CAPZB: variants seen among roughly 807,000 people sequenced by gnomAD.
The protein encoded by CAPZB is capping actin protein of muscle Z-line subunit beta.
A neutral mutation model predicts 38.1 loss-of-function variants in CAPZB; 2 were observed. The observed-to-expected ratio is 0.05, with a 90% CI of 0.02 to 0.17. The LOEUF is 0.17. CAPZB is among the 10% of genes least tolerant of loss of function. The probability of loss-of-function intolerance (pLI) is 1.00; values close to 1 mark genes in which losing one functional copy is unlikely to be tolerated. For missense variants in CAPZB, 161 were observed against 334.2 expected, an observed-to-expected ratio of 0.48 and a Z score of 4.04; for synonymous variants, 107 against 127.4, an observed-to-expected ratio of 0.84 and a Z score of 1.08.
intron 1 of CAPZB, among the ~76,000 whole-genome samples, chr1:19,452,781 A>G (rs2094520640): frequency 6.7e-6 from 1 of 148,244 alleles, no homozygotes; most frequent in Non-Finnish European, 1.5e-5. Context: ...CGGCAGTCAG[A>G]ATAATTTCTT....
At chr1:19,472,908 G>A (rs963538122) in intron 1 of CAPZB, among the ~76,000 whole-genome samples, 4 of 151,686 alleles carry the variant, frequency 2.6e-5, no homozygotes, top group African/African-American at 4.8e-5. Context: ...TAGTAGAGAC[G>A]GGATTTCATC....
chr1:19,452,660 G>A (rs896065434), intron 1 of CAPZB, among the ~76,000 whole-genome samples: 1 of 151,864 alleles, frequency 6.6e-6, no homozygotes, highest in Non-Finnish European at 1.5e-5. Context: ...CCATGTCAAC[G>A]CCCAAGTCCT....
At chr1:19,437,362 G>A (rs2094461446) in intron 1 of CAPZB, among the ~76,000 whole-genome samples, 4 of 152,178 alleles carry the variant, frequency 2.6e-5, no homozygotes. Context: ...CATCCAGTCA[G>A]TACATTCCTC....
chr1:19,478,468 G>A (rs1217128223), intron 1 of CAPZB, among the ~76,000 whole-genome samples: 4 of 152,180 alleles, frequency 2.6e-5, no homozygotes, highest in African/African-American at 4.8e-5. Context: ...TACAAGACAC[G>A]TGACGACACA....
chr1:19,358,424 C>G (rs968054675), intron 4 of CAPZB, among the ~76,000 whole-genome samples: 5 of 152,236 alleles, frequency 3.3e-5, no homozygotes, highest in African/African-American at 1.2e-4. Context: ...AGGCATGAGC[C>G]ACTGCGCCTG....
At chr1:19,440,928 C>T (rs993323242) in intron 1 of CAPZB, among the ~76,000 whole-genome samples, 2 of 151,956 alleles carry the variant, frequency 1.3e-5, no homozygotes, top group Non-Finnish European at 2.9e-5. Flanking sequence ...GGTGTGGTGG[C>T]GGGTGCCTGT....
intron 6 of CAPZB, among the ~76,000 whole-genome samples, chr1:19,346,733 C>T (rs1245582082): frequency 6.6e-6 from 1 of 151,446 alleles, no homozygotes; most frequent in African/African-American, 2.4e-5. Context: ...CCACTTTAAA[C>T]GACCAGGCTT....
At chr1:19,434,864 A>G (rs1415781681) in intron 1 of CAPZB, among the ~76,000 whole-genome samples, 2 of 152,070 alleles carry the variant, frequency 1.3e-5, no homozygotes, top group Non-Finnish European at 2.9e-5. Flanking sequence ...GGCTGCAGTG[A>G]GCCACGATTG....
intron 2 of CAPZB, among the ~76,000 whole-genome samples, chr1:19,386,587 G>A (rs1014346843): frequency 2.0e-4 from 31 of 152,186 alleles, no homozygotes; most frequent in Admixed American, 1.6e-3. Context: ...GAGCAGCTCA[G>A]CAGACGGGCT....
At chr1:19,434,472 C>T (rs908527008) in intron 1 of CAPZB, among the ~76,000 whole-genome samples, 4 of 149,888 alleles carry the variant, frequency 2.7e-5, no homozygotes, top group African/African-American at 9.8e-5. Flanking sequence ...CATCTATAAT[C>T]CTAGCACTTT....
intron 1 of CAPZB, among the ~76,000 whole-genome samples, chr1:19,470,492 C>A (rs898499990): frequency 5.3e-5 from 8 of 152,184 alleles, no homozygotes; most frequent in African/African-American, 1.9e-4. Flanking sequence ...TCTTTCCATG[C>A]ATCACTGAAA....
chr1:19,360,398 C>T (rs192569024), intron 4 of CAPZB, among the ~76,000 whole-genome samples: 1 of 152,312 alleles, frequency 6.6e-6, no homozygotes, highest in Non-Finnish European at 1.5e-5. Context: ...TTCCTTCAGC[C>T]CTTCTGGAAA....
intron 1 of CAPZB, among the ~76,000 whole-genome samples, chr1:19,460,574 C>CTTTTTTT (rs35288971): frequency 0.015 from 1,326 of 90,730 alleles, 7 homozygotes; most frequent in Non-Finnish European, 0.017. Flanking sequence ...TGTGCCCAGG[C>CTTTTTTT]TTTTTTTTTT....
intron 8 of CAPZB, among the ~76,000 whole-genome samples, chr1:19,343,273 C>T (rs901829015): frequency 1.3e-5 from 2 of 152,200 alleles, no homozygotes; most frequent in African/African-American, 4.8e-5. Context: ...GATCAGAAGA[C>T]AAGGGTCCAA....
intron 2 of CAPZB, among the ~76,000 whole-genome samples, chr1:19,417,592 G>A (rs1021557339): frequency 4.9e-4 from 75 of 152,170 alleles, no homozygotes; most frequent in African/African-American, 1.6e-3. Context: ...ATGAGGCACT[G>A]CATACAAGTT....
intron 4 of CAPZB, chr1:19,374,595 G>A (rs748302329): frequency 1.3e-5 from 2 of 152,334 alleles, no homozygotes; most frequent in Non-Finnish European, 2.9e-5. Context: ...TGGGCACAAG[G>A]GCGAGCCCAG....
chr1:19,480,893 C>A lies in CAPZB; in HGVS notation c.3+4543G>T, dbSNP rs531423449. On this transcript the variant is annotated intron_variant, in intron 1 of 8. Coordinates refer to ENST00000264202, the MANE Select transcript of CAPZB (RefSeq NM_004930.5). ...AACGGTTTGCTCTGGAGTCAGAAAA[C>A]CCAATTCCTCCACTTAGTAGCTAGA... 1.2e-3 allele frequency among the ~76,000 whole-genome samples: 179 copies of A among 152,312 alleles called. 1 individual carries two copies. Among genetic ancestry groups the A allele is most frequent in the African/African-American group, 4.2e-3 (176 of 41,572 alleles).
intron 1 of CAPZB, among the ~76,000 whole-genome samples, chr1:19,441,595 A>G (rs764511359): frequency 9.9e-5 from 15 of 151,964 alleles, no homozygotes; most frequent in Admixed American, 3.3e-4. Flanking sequence ...CAGTATACTC[A>G]GAACTACGGA....
chr1:19,395,880 CCAGCCGGCAGGAGAAGCTGCCGCCTA>C (rs1475609323), intron 2 of CAPZB, among the ~76,000 whole-genome samples: 1 of 152,238 alleles, frequency 6.6e-6, no homozygotes, highest in Non-Finnish European at 1.5e-5. Flanking sequence ...AGCCGGCCAG[CCAGCCGGCAGGAGAAGCTGCCGCCTA>C]CAGCCAGGCG....
Sources: allele counts gnomAD v4.1 joint callset (sites outside exome capture counted in the v4.1 genomes callset), GRCh38; gene constraint gnomAD v4.1.1; transcripts MANE v1.5; gene names NCBI Gene and HGNC (gene_info 2026-07-23, HGNC 2026-07-21).